CPM: variants seen among roughly 807,000 people sequenced by gnomAD.
The protein encoded by CPM is renal carboxypeptidase.
A neutral mutation model predicts 46.4 loss-of-function variants in CPM; 35 were observed. That is an observed-to-expected ratio of 0.75 (90% confidence interval 0.58 to 1.00). CPM has a LOEUF of 1.00. Among genes scored for constraint, CPM ranks in the 50% least tolerant of loss-of-function variants. The probability of loss-of-function intolerance (pLI) is 0.00; values close to 1 mark genes in which losing one functional copy is unlikely to be tolerated. For missense variants in CPM, 422 were observed against 530.4 expected, an observed-to-expected ratio of 0.80 and a Z score of 2.01; for synonymous variants, 195 against 195.3, an observed-to-expected ratio of 1.00 and a Z score of 0.01.
chr12:68,861,705 T>G (rs1459279590), intron 7 of CPM, among the ~76,000 whole-genome samples: 2 of 151,674 alleles, frequency 1.3e-5, no homozygotes, highest in Non-Finnish European at 2.9e-5. Flanking sequence ...ATTTTGTATT[T>G]TTAGTAGAGA....
At chr12:68,920,408 C>T (rs1038389827) in intron 2 of CPM, among the ~76,000 whole-genome samples, 4 of 152,096 alleles carry the variant, frequency 2.6e-5, no homozygotes, top group African/African-American at 9.7e-5. Context: ...GTGACTATCC[C>T]CGTGAAAAGG....
chr12:68,865,401 A>T (rs1885391695), intron 7 of CPM, among the ~76,000 whole-genome samples: 1 of 152,186 alleles, frequency 6.6e-6, no homozygotes, highest in Non-Finnish European at 1.5e-5. Flanking sequence ...TACAGGTATG[A>T]AAGAGGGCAG....
At chr12:68,917,082 T>C (rs1887840110) in intron 2 of CPM, among the ~76,000 whole-genome samples, 2 of 152,124 alleles carry the variant, frequency 1.3e-5, no homozygotes, top group Non-Finnish European at 1.5e-5. Context: ...TCCTCCATAA[T>C]CTACCCCACA....
chr12:68,889,777 T>C (rs895607236), intron 2 of CPM, among the ~76,000 whole-genome samples: 7 of 152,098 alleles, frequency 4.6e-5, no homozygotes, highest in African/African-American at 1.7e-4. Context: ...ACTCCTCCCT[T>C]CTCAGGCCCA....
chr12:68,934,415 A>G, upstream of CPM, among the ~76,000 whole-genome samples: 1 of 152,236 alleles, frequency 6.6e-6, no homozygotes, highest in Middle Eastern at 3.4e-3. Context: ...ACAGATATAG[A>G]TACTTTTCCT....
chr12:68,874,140 A>G (rs1411492234), intron 3 of CPM, among the ~76,000 whole-genome samples: 1 of 152,090 alleles, frequency 6.6e-6, no homozygotes, highest in East Asian at 1.9e-4. Context: ...TGTCACTGGA[A>G]AAAGTCCTTA....
Position 68,886,524 on chromosome 12 carries a change from C to T in CPM, c.161-635G>A, listed in dbSNP as rs554988969. ...GCGGGCGCCTGTAGTCCCAGCTACT[C>T]GGGAGGCTGAGGCAGGAGAATGGTG... On this transcript the variant is annotated intron_variant, in intron 2 of 8. Transcript: ENST00000551568. Among the ~76,000 whole-genome samples, 364 of 152,138 alleles carry T rather than the reference C, an allele frequency of 2.4e-3. 2 individuals are homozygous for T. Among genetic ancestry groups the T allele is most frequent in the African/African-American group, 8.5e-3 (351 of 41,504 alleles).
chr12:68,843,092 G>GT, intron 5 of CPM: 2 of 222,522 alleles, frequency 9.0e-6, no homozygotes, highest in Non-Finnish European at 8.9e-6. Context: ...TTGTTGTGTG[G>GT]GTTTTTTTTT....
chr12:68,954,543 C>G (rs1358193230), intron 1 of CPM, among the ~76,000 whole-genome samples: 1 of 152,162 alleles, frequency 6.6e-6, no homozygotes, highest in Non-Finnish European at 1.5e-5. Context: ...GGCTCTTTGC[C>G]TTCTCTGTGT....
intron 2 of CPM, among the ~76,000 whole-genome samples, chr12:68,918,478 C>T (rs765043969): frequency 1.3e-5 from 2 of 152,156 alleles, no homozygotes; most frequent in Non-Finnish European, 1.5e-5. Flanking sequence ...GATTTCATCC[C>T]AAATCTGTCC....
At chr12:68,878,106 G>A (rs76035277) in intron 3 of CPM, among the ~76,000 whole-genome samples, 2,048 of 152,252 alleles carry the variant, frequency 0.013, 27 homozygotes, top group South Asian at 0.021. Context: ...AATGTGATGC[G>A]AATTTTTCAA....
At chr12:68,956,461 C>G (rs562916367) in intron 1 of CPM, among the ~76,000 whole-genome samples, 7 of 152,266 alleles carry the variant, frequency 4.6e-5, no homozygotes, top group Admixed American at 3.9e-4. Context: ...ACGCCTCCCC[C>G]ACTACAGCTG....
At chr12:68,958,278 C>G (rs1380689386) in intron 1 of CPM, among the ~76,000 whole-genome samples, 1 of 152,198 alleles carries the variant, frequency 6.6e-6, no homozygotes, top group Non-Finnish European at 1.5e-5. Context: ...CTGTCTTTCA[C>G]AATGGTTGAA....
intron 2 of CPM, among the ~76,000 whole-genome samples, chr12:68,911,161 CAGAA>C (rs1327517786): frequency 2.0e-5 from 3 of 152,182 alleles, no homozygotes; most frequent in Non-Finnish European, 4.4e-5. Context: ...GGATCTTATA[CAGAA>C]AGACACGGCT....
At chr12:68,939,566 A>G (rs1309636988) in intron 1 of CPM, among the ~76,000 whole-genome samples, 2 of 152,052 alleles carry the variant, frequency 1.3e-5, no homozygotes, top group African/African-American at 2.4e-5. Context: ...GGACAAAAAT[A>G]TAGCATCTCA....
At chr12:68,875,596 G>A (rs867362269) in intron 3 of CPM, among the ~76,000 whole-genome samples, 1 of 151,744 alleles carries the variant, frequency 6.6e-6, no homozygotes, top group East Asian at 1.9e-4. Context: ...GCCTGAGGTA[G>A]GGAGTTCGAG....
intron 2 of CPM, among the ~76,000 whole-genome samples, chr12:68,918,104 T>TC (rs1295296418): frequency 6.6e-6 from 1 of 152,184 alleles, no homozygotes; most frequent in Non-Finnish European, 1.5e-5. Flanking sequence ...GTCATGGTAC[T>TC]CCCCAAAACA....
In CPM at chr12:68,870,144, C is replaced by T. The variant is rs929208749; in HGVS notation, c.616+71G>A. 3 of 1,463,700 alleles carry T rather than the reference C, an allele frequency of 2.0e-6. No individual in the cohort carries two copies. The African/African-American group carries it at 4.3e-5, about 21-fold the overall frequency. 90.7% of individuals were successfully genotyped at this position (1,463,700 alleles called of 1,614,324 possible). On this transcript the variant is annotated intron_variant, in intron 5 of 8. Transcript: ENST00000551568. ...AAGAGGGGAAGGGAGAGCTGATCCC[C>T]ATCCAGAGGCAGAGAGTTTTCAGCC...
At chr12:68,928,703 A>G (rs1199567135) in intron 2 of CPM, among the ~76,000 whole-genome samples, 2 of 152,128 alleles carry the variant, frequency 1.3e-5, no homozygotes, top group Non-Finnish European at 2.9e-5. Flanking sequence ...GTATTCAGAT[A>G]CAATGATGAT....
Sources: gnomAD v4.1 joint callset for allele counts (sites outside exome capture counted in the v4.1 genomes callset) on GRCh38, gnomAD v4.1.1 for gene constraint, MANE v1.5 for transcripts, NCBI Gene and HGNC (gene_info 2026-07-23, HGNC 2026-07-21) for gene names.